Variants in NRG3 observed in about 807,000 individuals in gnomAD.
NRG3 encodes the protein neuregulin 3.
NRG3 carries 31 observed loss-of-function variants against 66.9 expected under a neutral mutation model. The observed-to-expected ratio is 0.46, with a 90% confidence interval of 0.35 to 0.63. The LOEUF is 0.63. Ranked by LOEUF, NRG3 falls within the 20% of genes least tolerant of loss-of-function variation. The pLI is 0.00. For synonymous variants in NRG3, 393 were observed against 359.4 expected, an observed-to-expected ratio of 1.09 and a Z score of -1.06; for missense variants, 910 against 878.9, an observed-to-expected ratio of 1.04 and a Z score of -0.45.
At chr10:82,622,871 G>C (rs1037376404) in intron 2 of NRG3, among the ~76,000 whole-genome samples, 11 of 152,176 alleles carry the variant, frequency 7.2e-5, no homozygotes. Flanking sequence ...AAGTGGAAGT[G>C]TTCTGAGCAT....
At chr10:82,679,135 A>G (rs1315359600) in intron 2 of NRG3, among the ~76,000 whole-genome samples, 1 of 152,146 alleles carries the variant, frequency 6.6e-6, no homozygotes, top group East Asian at 1.9e-4. Flanking sequence ...TGATGAGATG[A>G]CCATTGTGCT....
At chr10:82,652,227 C>T (rs1442665824) in intron 2 of NRG3, among the ~76,000 whole-genome samples, 2 of 152,128 alleles carry the variant, frequency 1.3e-5, no homozygotes, top group African/African-American at 2.4e-5. Context: ...CCCATGAAGC[C>T]GCAGAGGCAG....
At chr10:82,719,182 G>T (rs918554761) in intron 2 of NRG3, among the ~76,000 whole-genome samples, 2 of 152,174 alleles carry the variant, frequency 1.3e-5, no homozygotes, top group African/African-American at 4.8e-5. Context: ...TTGTGTGAGA[G>T]TGAGAGTGTT....
intron 2 of NRG3, among the ~76,000 whole-genome samples, chr10:82,362,111 G>GAAAAAAAAAAAAAAAAAAAAAAAA (rs2084184976): frequency 1.6e-5 from 1 of 64,216 alleles, no homozygotes; most frequent in Non-Finnish European, 3.0e-5. Flanking sequence ...AAAAAAAAAG[G>GAAAAAAAAAAAAAAAAAAAAAAAA]ACAATAATAA....
chr10:81,888,994 G>A (rs991321511), intron 1 of NRG3, among the ~76,000 whole-genome samples: 18 of 152,142 alleles, frequency 1.2e-4, no homozygotes, highest in African/African-American at 4.1e-4. Context: ...TCTTCAAAGC[G>A]CTGCAAGAAG....
At chr10:82,618,538 G>A (rs1274979780) in intron 2 of NRG3, among the ~76,000 whole-genome samples, 1 of 151,878 alleles carries the variant, frequency 6.6e-6, no homozygotes, top group Non-Finnish European at 1.5e-5. Flanking sequence ...CATAAAATAG[G>A]GTGATATTTC....
intron 2 of NRG3, among the ~76,000 whole-genome samples, chr10:82,698,143 A>G (rs1256001322): frequency 6.6e-6 from 1 of 151,854 alleles, no homozygotes; most frequent in Non-Finnish European, 1.5e-5. Context: ...AAATAAGGAG[A>G]ACCCAAAAGC....
Position 82,945,937 on chromosome 10 carries a change from A to G in NRG3, c.1055-5532A>G, listed in dbSNP as rs192153662. On this transcript the variant is annotated intron_variant, in intron 4 of 8. Coordinates refer to ENST00000372141, the MANE Select transcript of NRG3 (RefSeq NM_001010848.4). Reference sequence around the variant, plus strand: ...TTAAGCCTAGGAGTACCTGATATCAACATGGACAGATTCTAAGCCTTAAGA... The same window carrying G: ...TTAAGCCTAGGAGTACCTGATATCAGCATGGACAGATTCTAAGCCTTAAGA... 3.7e-4 allele frequency among the ~76,000 whole-genome samples: 57 copies of G among 152,264 alleles called. No individual in the cohort carries two copies. The East Asian group carries it at 0.01, about 27-fold the overall frequency.
intron 1 of NRG3, among the ~76,000 whole-genome samples, chr10:82,312,145 C>T (rs1325530118): frequency 2.0e-5 from 3 of 152,074 alleles, no homozygotes; most frequent in African/African-American, 7.2e-5. Context: ...TACTCCTAAG[C>T]AAGGGTATTT....
chr10:82,357,468 A>G (rs1795460842), intron 1 of NRG3, among the ~76,000 whole-genome samples: 1 of 152,230 alleles, frequency 6.6e-6, no homozygotes, highest in African/African-American at 2.4e-5. Flanking sequence ...GGTAATTTAT[A>G]AAGAAAATAC....
At chr10:82,548,211 G>C (rs1257551181) in intron 2 of NRG3, among the ~76,000 whole-genome samples, 2 of 151,970 alleles carry the variant, frequency 1.3e-5, no homozygotes, top group Non-Finnish European at 2.9e-5. Flanking sequence ...TGCTTTGTGA[G>C]AGAAAATTGC....
At chr10:82,793,902 G>C (rs1051244460) in intron 3 of NRG3, among the ~76,000 whole-genome samples, 1 of 152,172 alleles carries the variant, frequency 6.6e-6, no homozygotes, top group East Asian at 1.9e-4. Context: ...CCACTAGAGG[G>C]TTAATATTTT....
intron 1 of NRG3, among the ~76,000 whole-genome samples, chr10:82,296,458 T>TGGA (rs1327908273): frequency 6.2e-4 from 94 of 152,204 alleles, no homozygotes; most frequent in African/African-American, 2.1e-3. Flanking sequence ...ATGGTGGTGG[T>TGGA]GGAGGAAAGC....
intron 1 of NRG3, among the ~76,000 whole-genome samples, chr10:82,027,246 A>T (rs1034098086): frequency 2.0e-5 from 3 of 152,138 alleles, no homozygotes; most frequent in African/African-American, 7.2e-5. Context: ...TAAGCAAAGT[A>T]TAAGTAAAGG....
intron 2 of NRG3, among the ~76,000 whole-genome samples, chr10:82,418,055 T>C (rs2088709151): frequency 6.6e-6 from 1 of 152,190 alleles, no homozygotes; most frequent in African/African-American, 2.4e-5. Flanking sequence ...GCTATCAGAA[T>C]TTGCCATTTT....
At chr10:81,893,240 AAC>A (rs1460434090) in intron 1 of NRG3, among the ~76,000 whole-genome samples, 1 of 152,222 alleles carries the variant, frequency 6.6e-6, no homozygotes, top group African/African-American at 2.4e-5. Context: ...GTTGTACTCT[AAC>A]ACAATTTTAG....
chr10:82,623,514 A>G (rs980332352), intron 2 of NRG3, among the ~76,000 whole-genome samples: 6 of 152,046 alleles, frequency 3.9e-5, no homozygotes, highest in African/African-American at 1.4e-4. Context: ...GGCATTTTCT[A>G]TGTGCCAGGC....
At chr10:82,598,421 G>A (rs1236486638) in intron 2 of NRG3, among the ~76,000 whole-genome samples, 1 of 152,196 alleles carries the variant, frequency 6.6e-6, no homozygotes, top group East Asian at 1.9e-4. Context: ...ATATGCACAC[G>A]AAGGTTGTGC....
At chr10:81,996,511 A>G (rs774552240) in intron 1 of NRG3, among the ~76,000 whole-genome samples, 4 of 152,182 alleles carry the variant, frequency 2.6e-5, no homozygotes, top group Admixed American at 6.5e-5. Context: ...TCTGACTAGT[A>G]TAAGATATTT....
Sources: gnomAD v4.1 joint callset for allele counts (sites outside exome capture counted in the v4.1 genomes callset) on GRCh38, gnomAD v4.1.1 for gene constraint, MANE v1.5 for transcripts, NCBI Gene and HGNC (gene_info 2026-07-23, HGNC 2026-07-21) for gene names.